The following NBPF12 variants were observed in gnomAD, a reference collection of about 807,000 sequenced individuals.
NBPF12 encodes NBPF family member NBPF12.
Under a neutral mutation model 146.4 loss-of-function variants are expected in NBPF12, and 115 were observed. That is an observed-to-expected ratio of 0.79 (90% CI 0.68 to 0.92). The LOEUF is 0.92. NBPF12 is among the 40% of genes least tolerant of loss of function. The pLI, the probability that NBPF12 is intolerant of heterozygous loss-of-function variation, is 0.00. For missense variants in NBPF12, 1,205 were observed against 1,326.8 expected (o/e 0.91, Z 1.43); for synonymous variants, 385 against 508.9 (o/e 0.76, Z 3.28).
chr1:146,963,503 G>C (rs1655997980), intron 6 of NBPF12, among the ~76,000 whole-genome samples, 194 bp downstream of exon 9: 1 of 152,046 alleles, frequency 6.6e-6, no homozygotes, highest in Admixed American at 6.5e-5. Flanking sequence ...AGTATTGCAA[G>C]TGTCCCTCCT....
At chr1:146,984,901 G>C (rs1657656463) in exon 22 of NBPF12, 9 of 1,597,238 alleles carry the variant, frequency 5.6e-6, no homozygotes, top group South Asian at 5.5e-5. Context: ...AGTTTATCTT[G>C]GACTGACTGA....
exon 34 of NBPF12, chr1:146,995,704 A>T (rs1658499388): frequency 6.7e-6 from 1 of 150,196 alleles, no homozygotes; most frequent in Admixed American, 6.6e-5. Context: ...TTCCAACCTC[A>T]GCCCATCTGC....
chr1:146,992,460 CTCTGTGTGTGTGTGTG>C lies in NBPF12; in HGVS notation c.3849-250_3849-235del, dbSNP rs1359221821. ...TCTCTCTCTCTCTCTCTCTCTCTCT[CTCTGTGTGTGTGTGTG>C]TGTGTGTGTGTGTGTGTGTGTGTGT... On this transcript the variant is annotated intron_variant, in intron 31 of 33. Coordinates refer to ENST00000617844, the Ensembl canonical transcript of NBPF12. Among the ~76,000 whole-genome samples, 33 of 88,934 alleles carry C rather than the reference CTCTGTGTGTGTGTGTG, an allele frequency of 3.7e-4. No homozygotes were observed. The East Asian group carries it at 8.9e-3, about 24-fold the overall frequency. The allele number at this position is 88,934 out of a possible 152,430, so 58.3% of individuals were successfully genotyped here.
chr1:146,977,188 A>G lies in NBPF12; in HGVS notation c.2192+187A>G, dbSNP rs1657097088. The stretch of plus-strand genomic sequence containing the variant: ...TGTTTCTCTATGTGTGCCGAGTGTC[A>G]TGTCTGCACCGTACAGGGATAGCTG... On this transcript the variant is annotated intron_variant, in intron 17 of 33. Transcript: ENST00000617844. Among the ~76,000 whole-genome samples, 6 of 145,106 alleles carry G rather than the reference A, an allele frequency of 4.1e-5. No individual in the cohort carries two copies. The Admixed American group carries it at 4.2e-4, about 10-fold the overall frequency.
chr1:146,987,763 G>C (rs1463818399), intron 25 of NBPF12, among the ~76,000 whole-genome samples, 191 bp from the exon 29 acceptor site: 3 of 152,020 alleles, frequency 2.0e-5, no homozygotes. Context: ...GTGTGTGTCT[G>C]TCTTTCTCTT....
intron 11 of NBPF12, 72 bp from the exon 15 acceptor site, chr1:146,970,575 G>T (rs1175195535): frequency 6.5e-7 from 1 of 1,548,220 alleles, no homozygotes; most frequent in South Asian, 1.1e-5. Flanking sequence ...TCATGTCTCT[G>T]TGCACGTTGG....
rs1460018477 is a variant in NBPF12, at chr1:146,972,603, C to T, written c.1592-148C>T. 1.6e-5 allele frequency: 12 copies of T among 773,056 alleles called. No individual in the cohort carries two copies. In the African/African-American group the frequency reaches 2.1e-4, roughly 13 times the overall value. The allele number at this position is 773,056 out of a possible 1,614,324, so 47.9% of individuals were successfully genotyped here. The stretch of plus-strand genomic sequence containing the variant: ...TAAGACAAGTTGACTTAAAGGAGAT[C>T]AAGACTGGAGATGACAAGGGTGAAA... On this transcript the variant is annotated intron_variant, in intron 13 of 33. Transcript: ENST00000617844.
chr1:146,980,822 C>T (rs1355822080), intron 19 of NBPF12, among the ~76,000 whole-genome samples: 33 of 142,230 alleles, frequency 2.3e-4, no homozygotes, highest in African/African-American at 8.4e-4. Context: ...TGTAAAGACA[C>T]ATGCACACAT....
intron 2 of NBPF12, chr1:146,957,768 GTCC>G (rs1181634494): frequency 1.5e-5 from 2 of 131,882 alleles, no homozygotes; most frequent in Non-Finnish European, 3.3e-5. Context: ...TGCAGGTGCT[GTCC>G]TCCTCGCCAC....
intron 33 of NBPF12, among the ~76,000 whole-genome samples, chr1:146,993,982 G>A (rs1415596581): frequency 8.9e-5 from 6 of 67,180 alleles, no homozygotes; most frequent in African/African-American, 4.4e-4. Flanking sequence ...AAACTATTGA[G>A]CTCACTCTTT....
At chr1:146,981,572 C>T (rs1158924258) in intron 19 of NBPF12, among the ~76,000 whole-genome samples, 1 of 151,682 alleles carries the variant, frequency 6.6e-6, no homozygotes, top group Non-Finnish European at 1.5e-5. Flanking sequence ...ATGGTGTTCT[C>T]TGTGTTTCCT....
At chr1:146,954,468 C>T (rs1468299402) in intron 2 of NBPF12, among the ~76,000 whole-genome samples, 69 of 133,840 alleles carry the variant, frequency 5.2e-4, no homozygotes, top group Non-Finnish European at 8.6e-4. Context: ...CAAAAAATTG[C>T]TTTGAGAAAT....
rs1490820544 is a variant in NBPF12 at position 146,995,941 on chromosome 1, C to T, written c.*1366C>T. The T allele has an allele frequency of 2.7e-5, 4 of 150,716 alleles. 1 individual carries two copies. The highest frequency in any genetic ancestry group is 5.9e-5 in the Non-Finnish European group (4 of 67,982). 9.3% of individuals were successfully genotyped at this position (150,716 alleles called of 1,614,324 possible). ...CCTGTGTCTATTATTATATACATAT[C>T]TCTACGCTGCAAATTTTGGGTCTCA... On this transcript the variant is annotated 3_prime_UTR_variant, in exon 34 of 34. Coordinates refer to ENST00000617844, the Ensembl canonical transcript of NBPF12.
intron 15 of NBPF12, 123 bp from the exon 19 acceptor site, chr1:146,975,554 C>G: frequency 1.7e-6 from 1 of 595,354 alleles, no homozygotes; most frequent in South Asian, 2.0e-5. Flanking sequence ...TTCCTTTCAA[C>G]ATGTGCTGAC....
At chr1:146,945,334 G>T (rs1328689842), upstream of NBPF12, among the ~76,000 whole-genome samples, 2 of 151,036 alleles carry the variant, frequency 1.3e-5, no homozygotes, top group East Asian at 4.0e-4. Context: ...CACTGGGGCA[G>T]CTGCTGAGTC....
Position 146,970,398 on chromosome 1 carries a change from C to T in NBPF12, c.1307-249C>T, listed in dbSNP as rs1553886220. Among the ~76,000 whole-genome samples the T allele has an allele frequency of 1.9e-4, 28 of 150,946 alleles. 1 individual carries two copies. Among genetic ancestry groups the T allele is most frequent in the Non-Finnish European group, 2.8e-4 (19 of 67,922 alleles). ...GTCCAGAGAGAGGCTGCACAAGCCT[C>T]CAGTGATATGGGAAGCAAAAGGTCT... On this transcript the variant is annotated intron_variant, in intron 11 of 33. Coordinates refer to ENST00000617844, the Ensembl canonical transcript of NBPF12.
intron 31 of NBPF12, 145 bp from the exon 35 acceptor site, chr1:146,992,567 T>A: frequency 1.9e-6 from 1 of 533,542 alleles, no homozygotes; most frequent in Non-Finnish European, 3.4e-6. Context: ...TGTCCCAACA[T>A]GAAGGCAATA....
intron 2 of NBPF12, among the ~76,000 whole-genome samples, chr1:146,956,452 G>C (rs1436793971): frequency 6.6e-6 from 1 of 151,568 alleles, no homozygotes; most frequent in African/African-American, 2.4e-5. Flanking sequence ...ATTTGTAAAC[G>C]TGCATTGAAT....
Position 146,961,496 on chromosome 1 carries a change from C to T in NBPF12, c.176-665C>T, listed in dbSNP as rs1222204164. Among the ~76,000 whole-genome samples, 6 of 150,696 alleles carry T rather than the reference C, an allele frequency of 4.0e-5. No homozygotes were observed. In the East Asian group the frequency reaches 7.7e-4, roughly 19 times the overall value. ...TGGCACAGTGTAAACACTATTAGTT[C>T]TTCATTCTGATGTTTCTAAATTAAC... is the stretch of plus-strand genomic sequence containing the variant. On this transcript the variant is annotated intron_variant, in intron 4 of 33. Coordinates refer to ENST00000617844, the Ensembl canonical transcript of NBPF12.
Sources: gnomAD v4.1 joint callset for allele counts (sites outside exome capture counted in the v4.1 genomes callset) on GRCh38, gnomAD v4.1.1 for gene constraint, MANE v1.5 for transcripts, NCBI Gene and HGNC (gene_info 2026-07-23, HGNC 2026-07-21) for gene names.